Variants in DSCC1 observed in about 807,000 individuals in gnomAD.
DSCC1 encodes the protein DNA replication and sister chromatid cohesion 1, also known as sister chromatid cohesion protein DCC1.
In DSCC1, 32 loss-of-function variants were observed where a neutral mutation model predicts 48.2. That is an observed-to-expected ratio of 0.66 (90% CI 0.50 to 0.89). DSCC1 has a LOEUF of 0.89. DSCC1 is among the 40% of genes least tolerant of loss of function. The pLI is 0.00. For missense variants in DSCC1, 421 were observed against 471.7 expected (o/e 0.89, Z 1.00); for synonymous variants, 150 against 171.5 (o/e 0.87, Z 0.98).
intron 8 of DSCC1, 23 bp from the exon 9 acceptor site, chr8:119,835,024 A>G: frequency 7.0e-7 from 1 of 1,419,528 alleles, no homozygotes; most frequent in Middle Eastern, 1.8e-4. Context: ...TAAAAAATAT[A>G]TAACATGAAT....
chr8:119,848,110 G>T (rs1301983532), intron 3 of DSCC1, among the ~76,000 whole-genome samples: 1 of 152,058 alleles, frequency 6.6e-6, no homozygotes, highest in Non-Finnish European at 1.5e-5. Context: ...GACTACAGGT[G>T]TGCAGCCAGC....
intron 8 of DSCC1, among the ~76,000 whole-genome samples, chr8:119,837,811 G>C (rs1049269765): frequency 6.6e-6 from 1 of 152,184 alleles, no homozygotes; most frequent in Non-Finnish European, 1.5e-5. Context: ...GTGATGCAGT[G>C]ACAAAGTTGT....
intron 7 of DSCC1, chr8:119,840,337 T>C (rs1181196644): frequency 6.6e-6 from 1 of 152,180 alleles, no homozygotes; most frequent in African/African-American, 2.4e-5. Context: ...AGGTCTTTGC[T>C]TCAAGCAGAG....
chr8:119,854,425 C>G (rs953324694), intron 1 of DSCC1, among the ~76,000 whole-genome samples: 28 of 152,144 alleles, frequency 1.8e-4, no homozygotes, highest in Non-Finnish European at 1.5e-5. Flanking sequence ...CCTGAAATAG[C>G]AGACTGTGTA....
Position 119,842,905 on chromosome 8 carries a change from A to C in DSCC1, c.717-77T>G, listed in dbSNP as rs1826794556. On this transcript the variant is annotated intron_variant, in intron 5 of 8. Transcript: ENST00000313655. ...ATATTTTAACCCCATTGCCAACTCA[A>C]AATTAAGAAAGAAATTTGAGATTTC... is the stretch of plus-strand genomic sequence containing the variant. 5.0e-6 allele frequency: 6 copies of C among 1,193,304 alleles called. 1 individual carries two copies. Among genetic ancestry groups the C allele is most frequent in the Middle Eastern group, 3.9e-4 (2 of 5,098 alleles). The allele number at this position is 1,193,304 out of a possible 1,614,324, so 73.9% of individuals were successfully genotyped here. A position where few individuals can be genotyped will look rare whatever the true frequency, so the allele number is the denominator to read the frequency against.
Position 119,855,851 on chromosome 8 carries a change from C to A in DSCC1, c.-56G>T. ...CCCGGGTGGCTGCGGGCTTGGCGGG[C>A]AAGAAAGAAGTTCCCAAGCAGCCGG... On this transcript the variant is annotated 5_prime_UTR_variant, in exon 1 of 9. Transcript: ENST00000313655. 1 of 1,408,376 alleles carries A rather than the reference C, an allele frequency of 7.1e-7. No homozygotes were observed. Among genetic ancestry groups the A allele is most frequent in the East Asian group, 3.0e-5 (1 of 33,830 alleles). 87.2% of individuals were successfully genotyped at this position (1,408,376 alleles called of 1,614,324 possible).
In DSCC1 at chr8:119,854,402, AAAT is replaced by A. The variant is rs1444790443; in HGVS notation, c.183-1190_183-1188del. Among the ~76,000 whole-genome samples the A allele has an allele frequency of 3.9e-5, 6 of 152,240 alleles. 1 individual carries two copies. The South Asian group carries it at 6.2e-4, about 16-fold the overall frequency. On this transcript the variant is annotated intron_variant, in intron 1 of 8. Coordinates refer to ENST00000313655, the MANE Select transcript of DSCC1 (RefSeq NM_024094.3). ...TGTGCACAACTCGTTTCTTTTGAAT[AAAT>A]AATAAGAAACCTGAAATAGCAGACT...
chr8:119,843,818 C>T, intron 4 of DSCC1, 71 bp from the exon 5 acceptor site: 1 of 1,489,796 alleles, frequency 6.7e-7, no homozygotes, highest in Non-Finnish European at 9.1e-7. Context: ...ACTCTGTCAC[C>T]CAAGCTGGAG....
At position 119,834,098 on chromosome 8, in the gene DSCC1, T is replaced by A. The variant is rs563758046; in HGVS notation, c.*795A>T. The A allele has an allele frequency of 2.0e-5, 3 of 152,330 alleles. No homozygotes were observed. In the South Asian group the frequency reaches 6.2e-4, roughly 32 times the overall value. The allele number at this position is 152,330 out of a possible 1,614,324, so 9.4% of individuals were successfully genotyped here. A position where few individuals can be genotyped will look rare whatever the true frequency, so the allele number is the denominator to read the frequency against. On this transcript the variant is annotated 3_prime_UTR_variant, in exon 9 of 9. Coordinates refer to ENST00000313655, the MANE Select transcript of DSCC1 (RefSeq NM_024094.3). ...CCTTCTTTAATTATGGATTAGCCAT[T>A]AACATTTTTGAAACGTGGACCATTT...
In DSCC1 at chr8:119,841,892, G is replaced by A; in HGVS notation, c.826C>T (p.Leu276=). 6.2e-7 allele frequency: 1 copy of A among 1,614,114 alleles called. No homozygotes were observed. The highest frequency in any genetic ancestry group is 8.5e-7 in the Non-Finnish European group (1 of 1,180,020). The change falls in exon 7 of 9, where the codon CTA becomes TTA. Residue 276 remains leucine (L), a synonymous_variant. Transcript: ENST00000313655. ...TTGAATTTCACCGCATTCTGAAGTA[G>A]CATTCGTGCTGCTGCTCTACATATT... ...DKICRAAARM[L]LQNAVKFNLA...
intron 7 of DSCC1, chr8:119,839,515 G>A (rs1220159025): frequency 6.6e-6 from 1 of 152,268 alleles, no homozygotes; most frequent in Non-Finnish European, 1.5e-5. Context: ...GGGAGCATAT[G>A]TGTTGACAGC....
chr8:119,854,530 CTTTAACA>C (rs1191573025), intron 1 of DSCC1, among the ~76,000 whole-genome samples: 1 of 152,192 alleles, frequency 6.6e-6, no homozygotes, highest in Non-Finnish European at 1.5e-5. Context: ...AGTACCTAGT[CTTTAACA>C]TTTATTTCTC....
intron 1 of DSCC1, 96 bp from the exon 2 acceptor site, chr8:119,853,311 T>G: frequency 1.6e-6 from 2 of 1,274,678 alleles, no homozygotes; most frequent in Non-Finnish European, 2.1e-6. Context: ...TTGCAGAACT[T>G]AGAATTAAGT....
At chr8:119,844,556 T>C (rs1039296196) in intron 4 of DSCC1, among the ~76,000 whole-genome samples, 18 of 151,822 alleles carry the variant, frequency 1.2e-4, no homozygotes, top group Non-Finnish European at 2.7e-4. Flanking sequence ...GTACTTTACA[T>C]ATGACTAGCT....
In DSCC1 at chr8:119,855,752, G is replaced by T; in HGVS notation, c.44C>A (p.Ala15Asp). 1 of 1,574,636 alleles carries T rather than the reference G, an allele frequency of 6.4e-7. No individual in the cohort carries two copies. ...CAGCAGCTCGGCCGCATTCAGCTTG[G>T]CGATCTGCAGCGTCGCATCCACCTC... ...RDEVDATLQI[A>D]KLNAAELLPA... The change falls in exon 1 of 9, where the codon GCC becomes GAC. Residue 15 changes from alanine (A) to aspartate (D), a missense_variant. By Grantham distance (126) the Ala-to-Asp change is moderately radical. Transcript: ENST00000313655.
Position 119,853,131 on chromosome 8 carries a change from G to T in DSCC1, c.267C>A (p.Ser89=). ...AACCAGGAATGAAAAGCAACATATTGGAAGTGTCTGCTATCTTCAAGTCGT... is the reference window on the plus strand; with the variant it reads ...AACCAGGAATGAAAAGCAACATATTTGAAGTGTCTGCTATCTTCAAGTCGT... ...KTYDLKIADT[S]NMLLFIPGCK... The change falls in exon 2 of 9, where the codon TCC becomes TCA. Residue 89 remains serine, a synonymous_variant. Transcript: ENST00000313655. 1 of 1,614,074 alleles carries T rather than the reference G, an allele frequency of 6.2e-7. No individual in the cohort carries two copies. The highest frequency in any genetic ancestry group is 8.5e-7 in the Non-Finnish European group (1 of 1,179,992).
chr8:119,846,883 A>G, intron 4 of DSCC1, 107 bp downstream of exon 4: 3 of 1,089,854 alleles, frequency 2.8e-6, no homozygotes, highest in South Asian at 2.7e-5. Context: ...CTTAAACCCA[A>G]AAGAATATTA....
intron 8 of DSCC1, among the ~76,000 whole-genome samples, chr8:119,836,304 C>A (rs1175980964): frequency 6.6e-6 from 1 of 152,192 alleles, no homozygotes; most frequent in Admixed American, 6.5e-5. Context: ...CAGAGTGAGA[C>A]TCTGTCTCAA....
intron 7 of DSCC1, chr8:119,838,922 A>G (rs988378997): frequency 6.6e-6 from 1 of 152,084 alleles, no homozygotes; most frequent in Non-Finnish European, 1.5e-5. Context: ...TTAGTAGAGA[A>G]GGGGTTTCAC....
Sources: allele counts gnomAD v4.1 joint callset (sites outside exome capture counted in the v4.1 genomes callset), GRCh38; gene constraint gnomAD v4.1.1; transcripts MANE v1.5; gene names NCBI Gene and HGNC (gene_info 2026-07-23, HGNC 2026-07-21).